KCNT2: variants seen among roughly 807,000 people sequenced by gnomAD.
The protein encoded by KCNT2 is potassium sodium-activated channel subfamily T member 2, also known as potassium channel subfamily T member 2.
Under a neutral mutation model 153.8 loss-of-function variants are expected in KCNT2, and 67 were observed. The ratio of observed to expected loss-of-function variants is 0.44; its 90% CI spans 0.36 to 0.53. The LOEUF (loss-of-function observed/expected upper bound fraction) is 0.53, where lower values mean the gene tolerates loss of function less well. KCNT2 is among the 20% of genes least tolerant of loss of function. The pLI, the probability that KCNT2 is intolerant of heterozygous loss-of-function variation, is 0.00. For missense variants in KCNT2, 975 were observed against 1,354.8 expected (o/e 0.72, Z 4.40); for synonymous variants, 500 against 458.8 (o/e 1.09, Z -1.15).
chr1:196,408,030 G>T (rs955099750), intron 12 of KCNT2, among the ~76,000 whole-genome samples: 1 of 151,046 alleles, frequency 6.6e-6, no homozygotes, highest in Non-Finnish European at 1.5e-5. Flanking sequence ...TTCTTTCTCT[G>T]CTCCTTTGGG....
chr1:196,236,211 A>C (rs185046172), intron 26 of KCNT2, 141 bp from the exon 27 acceptor site: 1 of 601,428 alleles, frequency 1.7e-6, no homozygotes, highest in Admixed American at 2.8e-5. Context: ...TGTGCACATA[A>C]GTTTGGCTAT....
Position 196,488,033 on chromosome 1 carries a change from A to C in KCNT2, c.275+1805T>G, listed in dbSNP as rs114235472. Among the ~76,000 whole-genome samples, 217 of 152,134 alleles carry C rather than the reference A, an allele frequency of 1.4e-3. 2 individuals carry two copies. The highest frequency in any genetic ancestry group is 5.0e-3 in the African/African-American group (209 of 41,552). ...TGTGCTTCCTTTCCTAACATCTTTA[A>C]ATCATTTACTACACATTATCTGTAC... On this transcript the variant is annotated intron_variant, in intron 3 of 27. Transcript: ENST00000294725.
chr1:196,570,597 T>C (rs1660663781), intron 1 of KCNT2, among the ~76,000 whole-genome samples: 1 of 152,054 alleles, frequency 6.6e-6, no homozygotes, highest in African/African-American at 2.4e-5. Flanking sequence ...AAATACTTTA[T>C]ACATGTTATA....
chr1:196,571,840 G>T (rs1660813839), intron 1 of KCNT2, among the ~76,000 whole-genome samples: 1 of 152,086 alleles, frequency 6.6e-6, no homozygotes. Context: ...GAGATTTCAT[G>T]AAACAGAAAT....
At chr1:196,566,263 T>C (rs1660099070) in intron 1 of KCNT2, among the ~76,000 whole-genome samples, 1 of 151,848 alleles carries the variant, frequency 6.6e-6, no homozygotes, top group Admixed American at 6.6e-5. Flanking sequence ...AATTTGCTTA[T>C]AAAAAGTAAC....
At chr1:196,602,544 T>G (rs1208620145) in intron 1 of KCNT2, among the ~76,000 whole-genome samples, 2 of 152,184 alleles carry the variant, frequency 1.3e-5, no homozygotes, top group African/African-American at 4.8e-5. Context: ...AGAAAGTGGC[T>G]ATATGATAGC....
intron 2 of KCNT2, 80 bp from the exon 3 acceptor site, chr1:196,490,017 A>G: frequency 1.6e-6 from 1 of 636,060 alleles, no homozygotes; most frequent in South Asian, 2.4e-5. Context: ...AAAATATCAA[A>G]TTTAAATACA....
rs187518131 is a variant in KCNT2 at position 196,455,292 on chromosome 1, A to T, written c.638+10001T>A. On this transcript the variant is annotated intron_variant, in intron 8 of 27. Coordinates refer to ENST00000294725, the MANE Select transcript of KCNT2 (RefSeq NM_198503.5). Reference sequence around the variant, plus strand: ...TGTAACATATTCACAAGTTACAGAGATTAGAACATGGACATCTTTGAAGGC... The same window carrying T: ...TGTAACATATTCACAAGTTACAGAGTTTAGAACATGGACATCTTTGAAGGC... 3.9e-5 allele frequency among the ~76,000 whole-genome samples: 6 copies of T among 152,166 alleles called. No homozygotes were observed. The East Asian group carries it at 1.2e-3, about 30-fold the overall frequency.
chr1:196,485,915 A>G (rs922809115), intron 3 of KCNT2, among the ~76,000 whole-genome samples: 1 of 151,992 alleles, frequency 6.6e-6, no homozygotes, highest in Non-Finnish European at 1.5e-5. Flanking sequence ...TGAAAATTTA[A>G]TCTCATTGAT....
At chr1:196,581,577 C>T (rs1446189560) in intron 1 of KCNT2, among the ~76,000 whole-genome samples, 1 of 151,938 alleles carries the variant, frequency 6.6e-6, no homozygotes, top group Non-Finnish European at 1.5e-5. Context: ...ACAAAGTCCT[C>T]TCAGTGGCCG....
intron 1 of KCNT2, among the ~76,000 whole-genome samples, chr1:196,564,580 C>T (rs1470517423): frequency 1.3e-5 from 2 of 151,836 alleles, no homozygotes; most frequent in Non-Finnish European, 2.9e-5. Flanking sequence ...AAAGGAACCA[C>T]ACTATCTGGC....
At chr1:196,527,177 A>C (rs1449459260) in intron 1 of KCNT2, among the ~76,000 whole-genome samples, 1 of 152,170 alleles carries the variant, frequency 6.6e-6, no homozygotes, top group Non-Finnish European at 1.5e-5. Context: ...AAGGTTGGGG[A>C]CCACTGTTCT....
intron 12 of KCNT2, among the ~76,000 whole-genome samples, chr1:196,400,799 T>C (rs943665170): frequency 2.0e-5 from 3 of 151,734 alleles, no homozygotes; most frequent in Non-Finnish European, 2.9e-5. Flanking sequence ...AAAAAATCTA[T>C]AGAACAAGCA....
rs544572343 is a variant in KCNT2 at position 196,465,814 on chromosome 1, C to T, written c.544-427G>A. ...CAAAGCTCATTATCAGGAAAATTAA[C>T]ATCAATTAGCCCAGACAGTTTATTT... is the stretch of plus-strand genomic sequence containing the variant. On this transcript the variant is annotated intron_variant, in intron 7 of 27. Transcript: ENST00000294725. 2.0e-5 allele frequency among the ~76,000 whole-genome samples: 3 copies of T among 151,662 alleles called. No individual in the cohort carries two copies. The South Asian group carries it at 6.3e-4, about 32-fold the overall frequency.
At chr1:196,360,711 G>C (rs73067617) in intron 14 of KCNT2, among the ~76,000 whole-genome samples, 3,610 of 152,112 alleles carry the variant, frequency 0.024, 154 homozygotes, top group African/African-American at 0.083. Flanking sequence ...AGGACACAGC[G>C]AGAATACAGC....
intron 1 of KCNT2, among the ~76,000 whole-genome samples, chr1:196,536,271 C>T (rs1483461380): frequency 1.3e-5 from 2 of 152,238 alleles, no homozygotes; most frequent in Admixed American, 6.5e-5. Flanking sequence ...GGCCTGGCCC[C>T]ACATGGGCCG....
At position 196,423,432 on chromosome 1, in the gene KCNT2, CTTTAT is replaced by C. The variant is rs143653446; in HGVS notation, c.1122-324_1122-320del. Among the ~76,000 whole-genome samples, 844 of 151,640 alleles carry C rather than the reference CTTTAT, an allele frequency of 5.6e-3. 6 individuals are homozygous for C. The highest frequency in any genetic ancestry group is 0.019 in the African/African-American group (770 of 41,424). ...GAGTAAATTAAGGGGCTATATTGGT[CTTTAT>C]TTTATGATTAATAGTATTTTAACTG... On this transcript the variant is annotated intron_variant, in intron 11 of 27. Transcript: ENST00000294725.
At chr1:196,522,871 G>A (rs1653640449) in intron 1 of KCNT2, among the ~76,000 whole-genome samples, 1 of 152,148 alleles carries the variant, frequency 6.6e-6, no homozygotes, top group African/African-American at 2.4e-5. Context: ...TCAGCACTCT[G>A]TAAAATGGAC....
chr1:196,355,121 T>C (rs1667068151), intron 14 of KCNT2, among the ~76,000 whole-genome samples: 2 of 151,684 alleles, frequency 1.3e-5, no homozygotes, highest in African/African-American at 4.8e-5. Context: ...ATGTATTATA[T>C]GAACATTTAT....
Sources: gnomAD v4.1 joint callset for allele counts (sites outside exome capture counted in the v4.1 genomes callset) on GRCh38, gnomAD v4.1.1 for gene constraint, MANE v1.5 for transcripts, NCBI Gene and HGNC (gene_info 2026-07-23, HGNC 2026-07-21) for gene names.